The following SMYD3 variants were observed in gnomAD, a reference collection of about 807,000 sequenced individuals.
The protein encoded by SMYD3 is histone-lysine N-methyltransferase SMYD3.
A neutral mutation model predicts 57.7 loss-of-function variants in SMYD3; 36 were observed. That is an observed-to-expected ratio of 0.62 (90% CI 0.48 to 0.82). SMYD3 has a LOEUF of 0.82. Ranked by LOEUF, SMYD3 falls within the 40% of genes least tolerant of loss-of-function variation. The probability of loss-of-function intolerance (pLI) is 0.00; values close to 1 mark genes in which losing one functional copy is unlikely to be tolerated. For missense variants in SMYD3, 515 were observed against 538.8 expected, an observed-to-expected ratio of 0.96 and a Z score of 0.44; for synonymous variants, 211 against 195.0, an observed-to-expected ratio of 1.08 and a Z score of -0.68.
At chr1:245,991,606 C>A (rs2058815246) in intron 5 of SMYD3, among the ~76,000 whole-genome samples, 1 of 152,214 alleles carries the variant, frequency 6.6e-6, no homozygotes, top group Middle Eastern at 3.2e-3. Flanking sequence ...CTCAGTCACT[C>A]CCCGGCTGTT....
At chr1:245,833,446 T>G (rs1400124506) in intron 10 of SMYD3, among the ~76,000 whole-genome samples, 1 of 152,226 alleles carries the variant, frequency 6.6e-6, no homozygotes, top group African/African-American at 2.4e-5. Flanking sequence ...TACTGTACAA[T>G]GTACTCTGAT....
intron 1 of SMYD3, among the ~76,000 whole-genome samples, chr1:246,467,193 T>A (rs1227605020): frequency 2.6e-5 from 4 of 151,982 alleles, no homozygotes; most frequent in Non-Finnish European, 5.9e-5. Flanking sequence ...AAATAAAATT[T>A]AAAAATAAAA....
chr1:245,983,998 CTTTTT>C (rs534310953), intron 5 of SMYD3, among the ~76,000 whole-genome samples: 3 of 134,464 alleles, frequency 2.2e-5, no homozygotes, highest in Non-Finnish European at 3.2e-5. Flanking sequence ...CAAGTCTACT[CTTTTT>C]TTTTTTTTTT....
At chr1:246,007,538 G>T (rs11577553) in intron 5 of SMYD3, among the ~76,000 whole-genome samples, 66,255 of 151,852 alleles carry the variant, frequency 0.44, 17,586 homozygotes, top group Non-Finnish European at 0.6. Context: ...GGCCGGGCAT[G>T]GTGGCTCACA....
At chr1:246,456,859 G>A (rs1011651742) in intron 1 of SMYD3, among the ~76,000 whole-genome samples, 3 of 152,092 alleles carry the variant, frequency 2.0e-5, no homozygotes, top group Non-Finnish European at 4.4e-5. Context: ...TATGAAGGAG[G>A]ACACAAGGGG....
rs2065373519 is a variant in SMYD3 at position 246,327,353 on chromosome 1, A to AG, written c.395-17_395-16insC. 6.2e-7 allele frequency: 1 copy of AG among 1,602,290 alleles called. No individual in the cohort carries two copies. The highest frequency in any genetic ancestry group is 1.3e-5 in the African/African-American group (1 of 74,160). ...TTGTTAATATCTTTTTTAAAGAGAAAATAAATAGCACAATCTCAAAGTAAA... is the reference window on the plus strand; with the variant it reads ...TTGTTAATATCTTTTTTAAAGAGAAAGATAAATAGCACAATCTCAAAGTAAA... On this transcript the variant is annotated splice_polypyrimidine_tract_variant and intron_variant, in intron 4 of 11. Coordinates refer to ENST00000490107, the MANE Select transcript of SMYD3 (RefSeq NM_001167740.2).
At chr1:246,039,672 C>A (rs1405744390) in intron 5 of SMYD3, among the ~76,000 whole-genome samples, 1 of 152,058 alleles carries the variant, frequency 6.6e-6, no homozygotes, top group Non-Finnish European at 1.5e-5. Context: ...GAGTAACTGG[C>A]GACAGTTTAG....
chr1:246,323,207 C>T (rs2065279662), intron 5 of SMYD3, among the ~76,000 whole-genome samples: 1 of 152,162 alleles, frequency 6.6e-6, no homozygotes, highest in South Asian at 2.1e-4. Flanking sequence ...CATAAGTGGA[C>T]AGGATATATC....
At chr1:246,040,649 C>T (rs1354139557) in intron 5 of SMYD3, among the ~76,000 whole-genome samples, 2 of 152,148 alleles carry the variant, frequency 1.3e-5, no homozygotes, top group Admixed American at 6.5e-5. Flanking sequence ...GACTCCATTC[C>T]CCAGAACAAA....
At chr1:246,124,067 A>G (rs2061467766) in intron 5 of SMYD3, among the ~76,000 whole-genome samples, 1 of 152,252 alleles carries the variant, frequency 6.6e-6, no homozygotes, top group African/African-American at 2.4e-5. Context: ...CCTCACTGCC[A>G]ATGCTTAAAC....
intron 5 of SMYD3, among the ~76,000 whole-genome samples, chr1:246,169,393 A>AAC (rs1553304433): frequency 1.3e-5 from 2 of 150,620 alleles, no homozygotes; most frequent in Admixed American, 6.6e-5. Flanking sequence ...AAAAAAAAAA[A>AAC]AAAAAAAAAA....
At chr1:245,812,739 CAGAG>C (rs149485957) in intron 10 of SMYD3, among the ~76,000 whole-genome samples, 4,689 of 146,598 alleles carry the variant, frequency 0.032, 255 homozygotes, top group African/African-American at 0.11. Context: ...GCGAGAGAGA[CAGAG>C]AAACTCACTC....
chr1:246,173,482 ATACT>A (rs904593070), intron 5 of SMYD3, among the ~76,000 whole-genome samples: 14 of 152,250 alleles, frequency 9.2e-5, no homozygotes, highest in African/African-American at 3.4e-4. Flanking sequence ...TCTTGTAATA[ATACT>A]TACCTTAAAA....
chr1:246,375,006 T>C (rs2066250976), intron 1 of SMYD3, among the ~76,000 whole-genome samples: 1 of 152,122 alleles, frequency 6.6e-6, no homozygotes. Context: ...GGCAGAAGAA[T>C]TGCTTGAACT....
At chr1:246,317,766 T>TTAAAAAATTC (rs2065187640) in intron 5 of SMYD3, among the ~76,000 whole-genome samples, 1 of 152,180 alleles carries the variant, frequency 6.6e-6, no homozygotes, top group African/African-American at 2.4e-5. Context: ...TTTAAAATAA[T>TTAAAAAATTC]TTTTTTAAAG....
At chr1:245,920,732 T>C (rs1018600176) in intron 7 of SMYD3, among the ~76,000 whole-genome samples, 5 of 152,218 alleles carry the variant, frequency 3.3e-5, no homozygotes, top group Non-Finnish European at 7.3e-5. Flanking sequence ...TAAACGGTGC[T>C]AGGACGGCTG....
intron 1 of SMYD3, among the ~76,000 whole-genome samples, chr1:246,411,814 A>G (rs1572476154): frequency 1.1e-5 from 1 of 90,822 alleles, no homozygotes. Context: ...ATCACACACC[A>G]GGGACTGTTG....
intron 5 of SMYD3, among the ~76,000 whole-genome samples, chr1:246,273,167 G>GA (rs1252707430): frequency 5.0e-5 from 3 of 60,040 alleles, no homozygotes; most frequent in Non-Finnish European, 9.3e-5. Flanking sequence ...TTTTTGGGGG[G>GA]GGGACAGAGT....
At chr1:245,891,012 A>G (rs1374563287) in intron 8 of SMYD3, among the ~76,000 whole-genome samples, 1 of 152,234 alleles carries the variant, frequency 6.6e-6, no homozygotes, top group Non-Finnish European at 1.5e-5. Context: ...TAGGAGCTAA[A>G]AATTAAAAGA....
Sources: gnomAD v4.1 joint callset for allele counts (sites outside exome capture counted in the v4.1 genomes callset) on GRCh38, gnomAD v4.1.1 for gene constraint, MANE v1.5 for transcripts, NCBI Gene and HGNC (gene_info 2026-07-23, HGNC 2026-07-21) for gene names.